MEI4: variants seen among roughly 807,000 people sequenced by gnomAD.
MEI4 encodes meiosis-specific protein MEI4.
Under a neutral mutation model 31.4 loss-of-function variants are expected in MEI4, and 27 were observed. That is an observed-to-expected ratio of 0.86 (90% confidence interval 0.63 to 1.19). The LOEUF is 1.19. Among genes scored for constraint, MEI4 ranks in the 50% most tolerant of loss-of-function variants. The probability of loss-of-function intolerance (pLI) is 0.00; values close to 1 mark genes in which losing one functional copy is unlikely to be tolerated. For missense variants in MEI4, 329 were observed against 398.9 expected (o/e 0.82, Z 1.49); for synonymous variants, 122 against 145.4 (o/e 0.84, Z 1.16).
intron 2 of MEI4, among the ~76,000 whole-genome samples, chr6:77,716,406 A>G (rs1027021785): frequency 1.3e-5 from 2 of 152,110 alleles, no homozygotes; most frequent in African/African-American, 4.8e-5. Flanking sequence ...TTGGCTGCAC[A>G]TTAGAATTAC....
At chr6:77,898,437 T>C (rs1766127264) in intron 4 of MEI4, among the ~76,000 whole-genome samples, 1 of 152,038 alleles carries the variant, frequency 6.6e-6, no homozygotes, top group African/African-American at 2.4e-5. Context: ...ATCTGGCACA[T>C]AGGAAACTGA....
At chr6:77,844,629 TAA>T (rs1196041214) in intron 4 of MEI4, among the ~76,000 whole-genome samples, 1 of 152,168 alleles carries the variant, frequency 6.6e-6, no homozygotes, top group African/African-American at 2.4e-5. Context: ...GGTAATTTTA[TAA>T]GTGTTTTTAA....
At chr6:77,908,253 G>T (rs1470025139) in intron 4 of MEI4, among the ~76,000 whole-genome samples, 1 of 152,060 alleles carries the variant, frequency 6.6e-6, no homozygotes, top group Non-Finnish European at 1.5e-5. Flanking sequence ...TATTGCCTAG[G>T]TTTTCTTCTA....
chr6:77,883,119 A>T (rs544050310), intron 4 of MEI4, among the ~76,000 whole-genome samples: 1 of 152,250 alleles, frequency 6.6e-6, no homozygotes, highest in South Asian at 2.1e-4. Flanking sequence ...AATACATGGT[A>T]TTAGTTTTAC....
At chr6:77,799,734 C>T (rs1222097738) in intron 3 of MEI4, among the ~76,000 whole-genome samples, 1 of 152,090 alleles carries the variant, frequency 6.6e-6, no homozygotes, top group Non-Finnish European at 1.5e-5. Flanking sequence ...TTCCCAGCAC[C>T]ATTTATTAAA....
intron 4 of MEI4, among the ~76,000 whole-genome samples, chr6:77,889,030 CTG>C (rs1186939142): frequency 7.9e-5 from 12 of 152,144 alleles, no homozygotes; most frequent in African/African-American, 2.9e-4. Context: ...CCCTGTAGAA[CTG>C]TGAGTCAATT....
At chr6:77,793,479 T>C (rs1463938564) in intron 3 of MEI4, among the ~76,000 whole-genome samples, 1 of 152,144 alleles carries the variant, frequency 6.6e-6, no homozygotes, top group Admixed American at 6.5e-5. Context: ...GGTAAATATG[T>C]AGTGAAGAGC....
intron 4 of MEI4, among the ~76,000 whole-genome samples, chr6:77,916,819 G>A (rs1766565617): frequency 6.6e-6 from 1 of 150,814 alleles, no homozygotes. Flanking sequence ...TGCACATTGT[G>A]CAGGTTAGTT....
intron 3 of MEI4, among the ~76,000 whole-genome samples, chr6:77,811,207 C>G (rs1016196113): frequency 6.6e-6 from 1 of 152,106 alleles, no homozygotes; most frequent in African/African-American, 2.4e-5. Flanking sequence ...TGTCAAAGGT[C>G]TTGGTTTGAG....
intron 3 of MEI4, among the ~76,000 whole-genome samples, chr6:77,767,830 A>C (rs535498402): frequency 6.6e-6 from 1 of 152,354 alleles, no homozygotes; most frequent in Non-Finnish European, 1.5e-5. Flanking sequence ...TCACTGCATC[A>C]GTATATAAAT....
intron 3 of MEI4, among the ~76,000 whole-genome samples, chr6:77,828,655 A>G (rs1770012016): frequency 1.3e-5 from 2 of 152,128 alleles, no homozygotes; most frequent in African/African-American, 4.8e-5. Context: ...TTCATTCTGT[A>G]TATAGCCTAT....
At chr6:77,673,240 G>A (rs1016474005) in intron 1 of MEI4, among the ~76,000 whole-genome samples, 1 of 152,124 alleles carries the variant, frequency 6.6e-6, no homozygotes, top group African/African-American at 2.4e-5. Context: ...TAGCATAATA[G>A]TATGGCTGTA....
intron 2 of MEI4, among the ~76,000 whole-genome samples, chr6:77,736,789 C>G (rs189918773): frequency 1.2e-3 from 186 of 152,044 alleles, no homozygotes; most frequent in Middle Eastern, 3.4e-3. Flanking sequence ...CCAATGAGAC[C>G]CTGTAGTCCA....
At chr6:77,667,299 C>T (rs191266807) in intron 1 of MEI4, among the ~76,000 whole-genome samples, 1 of 152,230 alleles carries the variant, frequency 6.6e-6, no homozygotes, top group Admixed American at 6.5e-5. Flanking sequence ...CTTACCATGC[C>T]CCATACTCCA....
At chr6:77,845,283 T>C (rs1042673697) in intron 4 of MEI4, among the ~76,000 whole-genome samples, 6 of 152,178 alleles carry the variant, frequency 3.9e-5, no homozygotes, top group African/African-American at 1.4e-4. Flanking sequence ...TATTAAGTCT[T>C]TCTTATTGTT....
At chr6:77,918,650 A>C (rs188397391) in intron 4 of MEI4, among the ~76,000 whole-genome samples, 1 of 148,976 alleles carries the variant, frequency 6.7e-6, no homozygotes, top group Non-Finnish European at 1.5e-5. Context: ...GTTGCTTATC[A>C]CCTTAAGGAG....
chr6:77,743,755 C>T (rs1487778255), intron 2 of MEI4, among the ~76,000 whole-genome samples: 3 of 152,166 alleles, frequency 2.0e-5, no homozygotes, highest in Admixed American at 6.5e-5. Context: ...TGGCCAGGTA[C>T]TCCTCTGAGA....
At chr6:77,691,503 A>G (rs1047505886) in intron 2 of MEI4, among the ~76,000 whole-genome samples, 12 of 152,072 alleles carry the variant, frequency 7.9e-5, no homozygotes, top group Non-Finnish European at 1.6e-4. Flanking sequence ...AGTAAGATGC[A>G]GGAGCGTGTG....
chr6:77,651,575 A>C (rs1768301646), upstream of MEI4, among the ~76,000 whole-genome samples: 1 of 152,224 alleles, frequency 6.6e-6, no homozygotes. Context: ...TTGTCTATTT[A>C]AAATCGAGAG....
Sources: gnomAD v4.1 joint callset for allele counts (sites outside exome capture counted in the v4.1 genomes callset) on GRCh38, gnomAD v4.1.1 for gene constraint, MANE v1.5 for transcripts, NCBI Gene and HGNC (gene_info 2026-07-23, HGNC 2026-07-21) for gene names.